Variants in SPINK5 observed in about 807,000 individuals in gnomAD.
SPINK5 encodes serine protease inhibitor Kazal-type 5.
SPINK5 carries 125 observed loss-of-function variants against 151.8 expected under a neutral mutation model. That is an observed-to-expected ratio of 0.82 (90% CI 0.71 to 0.96). SPINK5 has a LOEUF of 0.96. Ranked by LOEUF, SPINK5 falls within the 40% of genes least tolerant of loss-of-function variation. SPINK5 has a pLI of 0.00. For missense variants in SPINK5, 1,194 were observed against 1,291.9 expected (o/e 0.92, Z 1.16); for synonymous variants, 374 against 395.3 (o/e 0.95, Z 0.64).
At position 148,100,511 on chromosome 5, in the gene SPINK5, G is replaced by A. The variant is rs1468268568; in HGVS notation, c.1150G>A (p.Glu384Lys). ...GAACGGAAAACTTGCTTGCACCAGA[G>A]AGAACGATCCTATCCAGGGCCCAGA... ...VRNGKLACTR[E>K]NDPIQGPDGK... The change falls in exon 13 of 33, where the codon GAG becomes AAG. Residue 384 changes from glutamate (E) to lysine (K), a missense_variant. Transcript: ENST00000256084. 4 of 1,613,202 alleles carry A rather than the reference G, an allele frequency of 2.5e-6. No homozygotes were observed. Among genetic ancestry groups the A allele is most frequent in the Non-Finnish European group, 3.4e-6 (4 of 1,179,460 alleles).
At chr5:148,076,233 T>G (rs1752877238) in intron 4 of SPINK5, among the ~76,000 whole-genome samples, 1 of 151,694 alleles carries the variant, frequency 6.6e-6, no homozygotes, top group South Asian at 2.1e-4. Context: ...TGTTAAATCC[T>G]TAGCTGACCA....
At chr5:148,079,200 C>G (rs1752958171) in intron 4 of SPINK5, among the ~76,000 whole-genome samples, 1 of 150,790 alleles carries the variant, frequency 6.6e-6, no homozygotes, top group Non-Finnish European at 1.5e-5. Context: ...CTAGAAATAA[C>G]CAAATTATTG....
chr5:148,136,161 T>C (rs1342101145), intron 32 of SPINK5, among the ~76,000 whole-genome samples: 1 of 152,140 alleles, frequency 6.6e-6, no homozygotes, highest in Non-Finnish European at 1.5e-5. Flanking sequence ...TAAGTGCTGT[T>C]GAGAAGGCAT....
Position 148,125,637 on chromosome 5 carries a change from A to G in SPINK5, c.2740-86A>G, listed in dbSNP as rs1351606160. The G allele has an allele frequency of 1.9e-6, 3 of 1,614,080 alleles. No homozygotes were observed. The African/African-American group carries it at 4.0e-5, about 22-fold the overall frequency. Reference sequence around the variant, plus strand: ...CAGTGAGTCTGAGCCCAGAGCTAAGAGAGGACTTCCTAAAACCAAGTTTGA... The same window carrying G: ...CAGTGAGTCTGAGCCCAGAGCTAAGGGAGGACTTCCTAAAACCAAGTTTGA... On this transcript the variant is annotated intron_variant, in intron 28 of 32. Coordinates refer to ENST00000256084, the MANE Select transcript of SPINK5 (RefSeq NM_006846.4).
chr5:148,104,077 T>C (rs7712427), intron 15 of SPINK5, among the ~76,000 whole-genome samples: 67,623 of 152,018 alleles, frequency 0.44, 16,415 homozygotes, highest in Admixed American at 0.58. Flanking sequence ...GTCAATCTCT[T>C]ATAACAATTA....
intron 11 of SPINK5, 159 bp downstream of exon 11, chr5:148,098,153 C>T (rs1227818075): frequency 5.6e-6 from 4 of 718,046 alleles, no homozygotes; most frequent in Middle Eastern, 2.8e-4. Flanking sequence ...GGAGTAAGTA[C>T]CTAGAGTTAT....
chr5:148,089,413 T>TAGTC, intron 6 of SPINK5, 81 bp from the exon 7 acceptor site: 2 of 1,599,688 alleles, frequency 1.3e-6, no homozygotes, highest in Non-Finnish European at 1.7e-6. Flanking sequence ...TCAGAGGGAC[T>TAGTC]GAGTTCAATA....
At chr5:148,127,981 ATGAG>A (rs1401662988) in intron 30 of SPINK5, among the ~76,000 whole-genome samples, 3 of 152,176 alleles carry the variant, frequency 2.0e-5, no homozygotes, top group Non-Finnish European at 4.4e-5. Flanking sequence ...CAAAGAGGAT[ATGAG>A]AACATCAAGC....
At chr5:148,102,183 TA>T (rs1242493425) in intron 15 of SPINK5, among the ~76,000 whole-genome samples, 1 of 151,914 alleles carries the variant, frequency 6.6e-6, no homozygotes, top group East Asian at 1.9e-4. Flanking sequence ...AGCTAACTCA[TA>T]GTAGAGAGTA....
intron 15 of SPINK5, among the ~76,000 whole-genome samples, 195 bp from the exon 16 acceptor site, chr5:148,104,757 G>T (rs1753735187): frequency 6.6e-6 from 1 of 152,098 alleles, no homozygotes; most frequent in East Asian, 1.9e-4. Flanking sequence ...TTAGCCGAGT[G>T]TGGTGGCATG....
chr5:148,071,994 T>G (rs1285541735), intron 3 of SPINK5, among the ~76,000 whole-genome samples, 154 bp from the exon 4 acceptor site: 2 of 152,096 alleles, frequency 1.3e-5, no homozygotes, highest in Non-Finnish European at 2.9e-5. Flanking sequence ...AAGGGAGATC[T>G]GGGGTTCTGT....
chr5:148,119,196 G>T, intron 24 of SPINK5, 138 bp downstream of exon 24: 1 of 780,868 alleles, frequency 1.3e-6, no homozygotes, highest in Non-Finnish European at 2.2e-6. Flanking sequence ...AGTTATCAGT[G>T]ACTCTCACTG....
rs1480804251 is a variant in SPINK5 at position 148,099,267 on chromosome 5, A to G, written c.1044A>G (p.Glu348=). The change falls in exon 12 of 33, where the codon GAA becomes GAG. Residue 348 remains glutamate (E), a synonymous_variant. Transcript: ENST00000256084. ...AAAATGAAGAAAAGAAAAAGGCTGAAGCACGAGCTAGAAACAAAAGAGAAT... is the reference window on the plus strand; with the variant it reads ...AAAATGAAGAAAAGAAAAAGGCTGAGGCACGAGCTAGAAACAAAAGAGAAT... The part of the protein sequence containing the change: ...QAENEEKKKA[E]ARARNKRESG... The G allele has an allele frequency of 1.2e-6, 2 of 1,612,234 alleles. No individual in the cohort carries two copies. The highest frequency in any genetic ancestry group is 4.5e-5 in the East Asian group (2 of 44,734).
chr5:148,083,943 A>G (rs914601296), intron 4 of SPINK5, among the ~76,000 whole-genome samples: 6 of 151,650 alleles, frequency 4.0e-5, no homozygotes, highest in South Asian at 2.1e-4. Context: ...TATTCTTTAT[A>G]TTGCTAGATT....
chr5:148,106,233 T>A (rs904256933), intron 16 of SPINK5, among the ~76,000 whole-genome samples: 22 of 152,170 alleles, frequency 1.4e-4, no homozygotes, highest in Non-Finnish European at 2.6e-4. Flanking sequence ...TTAATTTTTT[T>A]AAATCAATTT....
At position 148,070,394 on chromosome 5, in the gene SPINK5, T is replaced by C. The variant is rs1752706399; in HGVS notation, c.153T>C (p.Phe51=). The C allele has an allele frequency of 6.2e-7, 1 of 1,612,914 alleles. No individual in the cohort carries two copies. Among genetic ancestry groups the C allele is most frequent in the South Asian group, 1.1e-5 (1 of 91,060 alleles). ...KLFCPQDKKF[F]QSLDGIMFIN... is the part of the protein sequence containing the mutation. ...TCTGTCCCCAGGATAAGAAATTTTT[T>C]CAAAGTCTTGATGGAATAATGTTCA... Residue 51 remains phenylalanine, a synonymous_variant, in exon 3 of 33, where the codon TTT becomes TTC. Transcript: ENST00000256084.
Position 148,093,519 on chromosome 5 carries a change from T to C in SPINK5, c.667-835T>C, listed in dbSNP as rs944260380. ...TACACAAAAATTATCCACAGATCCA[T>C]AGAGAAAATCAACTAAAGTAAGCAT... On this transcript the variant is annotated intron_variant, in intron 8 of 32. Coordinates refer to ENST00000256084, the MANE Select transcript of SPINK5 (RefSeq NM_006846.4). Among the ~76,000 whole-genome samples, 11 of 152,068 alleles carry C rather than the reference T, an allele frequency of 7.2e-5. No individual in the cohort carries two copies. In the South Asian group the frequency reaches 1.0e-3, roughly 14 times the overall value.
intron 18 of SPINK5, among the ~76,000 whole-genome samples, chr5:148,111,376 A>G (rs1753921913): frequency 6.6e-6 from 1 of 152,188 alleles, no homozygotes; most frequent in South Asian, 2.1e-4. Flanking sequence ...TAACTTAATT[A>G]TATCTGAAAA....
rs4529181 is a variant in SPINK5 at position 148,089,408 on chromosome 5, G to T, written c.475-86G>T. On this transcript the variant is annotated intron_variant, in intron 6 of 32. Transcript: ENST00000256084. ...CTAAGTGGCCCATAGCAATGTCAGA[G>T]GGACTGAGTTCAATAAAATTTCTGA... 6.0e-5 allele frequency: 96 copies of T among 1,591,428 alleles called. No individual in the cohort carries two copies. In the Admixed American group the frequency reaches 1.1e-3, roughly 19 times the overall value.
Sources: gnomAD v4.1 joint callset for allele counts (sites outside exome capture counted in the v4.1 genomes callset) on GRCh38, gnomAD v4.1.1 for gene constraint, MANE v1.5 for transcripts, NCBI Gene and HGNC (gene_info 2026-07-23, HGNC 2026-07-21) for gene names.